XKR6: variants seen among roughly 807,000 people sequenced by gnomAD.
XKR6 encodes XK related 6, also known as XK-related protein 6.
XKR6 carries 22 observed loss-of-function variants against 56.7 expected under a neutral mutation model. The ratio of observed to expected loss-of-function variants is 0.39; its 90% CI spans 0.28 to 0.55. The LOEUF (loss-of-function observed/expected upper bound fraction) is 0.55, where lower values mean the gene tolerates loss of function less well. Among genes scored for constraint, XKR6 ranks in the 20% least tolerant of loss-of-function variants. The pLI is 0.66. For missense variants in XKR6, 852 were observed against 889.0 expected (o/e 0.96, Z 0.53); for synonymous variants, 524 against 387.8 (o/e 1.35, Z -4.13).
intron 1 of XKR6, among the ~76,000 whole-genome samples, chr8:11,153,417 C>T (rs1801356416): frequency 6.6e-6 from 1 of 152,240 alleles, no homozygotes; most frequent in African/African-American, 2.4e-5. Context: ...AAAAACTCTA[C>T]TACTACTGCT....
At chr8:11,193,764 A>C (rs1232847632) in intron 1 of XKR6, among the ~76,000 whole-genome samples, 1 of 140,216 alleles carries the variant, frequency 7.1e-6, no homozygotes, top group African/African-American at 2.6e-5. Flanking sequence ...AAAAGAAATT[A>C]ACCTTGGTAA....
At chr8:10,956,656 G>C (rs1324731469) in intron 1 of XKR6, among the ~76,000 whole-genome samples, 1 of 149,514 alleles carries the variant, frequency 6.7e-6, no homozygotes, top group Non-Finnish European at 1.5e-5. Flanking sequence ...CATCATCATT[G>C]CCTTTAGGAG....
At chr8:10,973,737 G>T (rs1802472773) in intron 1 of XKR6, among the ~76,000 whole-genome samples, 1 of 152,030 alleles carries the variant, frequency 6.6e-6, no homozygotes, top group African/African-American at 2.4e-5. Flanking sequence ...CATGCCACCA[G>T]GCCCAGCTAA....
Position 10,961,765 on chromosome 8 carries a change from C to T in XKR6, c.765-36935G>A, listed in dbSNP as rs560660609. On this transcript the variant is annotated intron_variant, in intron 1 of 2. Transcript: ENST00000416569. ...TAGCTTTTTAACATGCAGCCTCCATCGCTTCATTTGCCCACAGTTGTCCAG... is the reference window on the plus strand; with the variant it reads ...TAGCTTTTTAACATGCAGCCTCCATTGCTTCATTTGCCCACAGTTGTCCAG... 8.9e-4 allele frequency among the ~76,000 whole-genome samples: 136 copies of T among 152,318 alleles called. 1 individual carries two copies. The highest frequency in any genetic ancestry group is 3.1e-3 in the African/African-American group (129 of 41,562).
chr8:10,977,628 G>T (rs1436116216), intron 1 of XKR6, among the ~76,000 whole-genome samples: 2 of 148,584 alleles, frequency 1.3e-5, no homozygotes, highest in Non-Finnish European at 3.0e-5. Context: ...TGCTGTGACC[G>T]CTCTCAGAGA....
rs541775411 is a variant in XKR6, at chr8:10,896,290, T to C, written c.*1662A>G. ...CAACACCTGCAGAAATTCAACTTGA[T>C]ACAATGAGAAAATAAACAGTGGAAT... On this transcript the variant is annotated 3_prime_UTR_variant, in exon 3 of 3. Transcript: ENST00000416569. The C allele has an allele frequency of 1.8e-4, 28 of 152,636 alleles. No homozygotes were observed. The highest frequency in any genetic ancestry group is 6.7e-4 in the African/African-American group (28 of 41,536). The allele number at this position is 152,636 out of a possible 1,614,324, so 9.5% of individuals were successfully genotyped here.
chr8:10,909,927 C>T (rs1165687139), intron 2 of XKR6, among the ~76,000 whole-genome samples: 2 of 151,812 alleles, frequency 1.3e-5, no homozygotes, highest in Non-Finnish European at 2.9e-5. Flanking sequence ...AAAGAATTTG[C>T]CTAAGCTTAC....
At chr8:11,057,708 T>C (rs11994349) in intron 1 of XKR6, among the ~76,000 whole-genome samples, 18,039 of 152,240 alleles carry the variant, frequency 0.12, 3,464 homozygotes, top group African/African-American at 0.4. Flanking sequence ...CATCTGTTCC[T>C]GTCCTCACCT....
intron 1 of XKR6, among the ~76,000 whole-genome samples, chr8:11,145,350 A>C (rs1458059025): frequency 6.6e-6 from 1 of 152,172 alleles, no homozygotes; most frequent in Admixed American, 6.5e-5. Flanking sequence ...AGTCTCCCAC[A>C]ACTAAAGATA....
At chr8:10,985,405 A>G (rs888453759) in intron 1 of XKR6, among the ~76,000 whole-genome samples, 1 of 152,156 alleles carries the variant, frequency 6.6e-6, no homozygotes, top group Non-Finnish European at 1.5e-5. Context: ...CATGATTGTA[A>G]GATTAAAAGG....
chr8:11,015,806 G>A (rs1477588988), intron 1 of XKR6, among the ~76,000 whole-genome samples: 1 of 152,218 alleles, frequency 6.6e-6, no homozygotes, highest in Non-Finnish European at 1.5e-5. Flanking sequence ...GAGGAATTGA[G>A]GGTGGGCTCG....
rs1308302694 is a variant in XKR6, at chr8:11,201,120, G to C, written c.220C>G (p.Leu74Val). The stretch of plus-strand genomic sequence containing the variant: ...GGCTTCCTGCCCAGGAGGGAGCGCA[G>C]GCAGGCGGAGCGGCAGCCCCAGTAG... ...SCYWGCRSAC[L>V]RSLLGRKPRR... is the part of the protein sequence containing the mutation. Residue 74 changes from leucine to valine, a missense_variant, in exon 1 of 3, where the codon CTG becomes GTG. By Grantham distance (32) the Leu-to-Val change is conservative. Transcript: ENST00000416569. 2.7e-6 allele frequency: 4 copies of C among 1,506,924 alleles called. No homozygotes were observed. Among genetic ancestry groups the C allele is most frequent in the East Asian group, 5.3e-5 (2 of 37,574 alleles). 93.3% of individuals were successfully genotyped at this position (1,506,924 alleles called of 1,614,324 possible).
chr8:10,982,845 G>A (rs7832837), intron 1 of XKR6, among the ~76,000 whole-genome samples: 11,441 of 152,210 alleles, frequency 0.075, 1,467 homozygotes, highest in African/African-American at 0.26. Flanking sequence ...GCAGCCCCAG[G>A]GAGGCATGGC....
intron 1 of XKR6, among the ~76,000 whole-genome samples, chr8:11,101,022 G>A (rs986052778): frequency 6.6e-6 from 1 of 152,152 alleles, no homozygotes; most frequent in South Asian, 2.1e-4. Flanking sequence ...GTGGTACCAC[G>A]CACATCGGAC....
chr8:11,020,414 T>C (rs1055208283), intron 1 of XKR6, among the ~76,000 whole-genome samples: 1 of 152,186 alleles, frequency 6.6e-6, no homozygotes, highest in Non-Finnish European at 1.5e-5. Context: ...TGAGTCCCAA[T>C]GATGTGGCAA....
chr8:10,940,451 G>C (rs1181158955), intron 1 of XKR6, among the ~76,000 whole-genome samples: 1 of 152,196 alleles, frequency 6.6e-6, no homozygotes, highest in Non-Finnish European at 1.5e-5. Context: ...AGGAAGCCAT[G>C]GGAAACTGGC....
rs145026689 is a variant in XKR6 at position 10,998,284 on chromosome 8, T to TAC, written c.765-73456_765-73455dup. Among the ~76,000 whole-genome samples the TAC allele has an allele frequency of 5.3e-3, 777 of 147,710 alleles. 3 individuals are homozygous for TAC. The highest frequency in any genetic ancestry group is 0.018 in the African/African-American group (727 of 40,818). ...GAGTGGCTACACACACACACACACA[T>TAC]ACACACACACACACACCTCTTAGTT... On this transcript the variant is annotated intron_variant, in intron 1 of 2. Coordinates refer to ENST00000416569, the MANE Select transcript of XKR6 (RefSeq NM_173683.4).
intron 1 of XKR6, among the ~76,000 whole-genome samples, chr8:10,979,542 A>G (rs1195379229): frequency 6.6e-6 from 1 of 152,150 alleles, no homozygotes; most frequent in Non-Finnish European, 1.5e-5. Flanking sequence ...CCGACCCTCT[A>G]GCCCCTGAAG....
intron 1 of XKR6, among the ~76,000 whole-genome samples, chr8:10,993,226 G>A (rs1467812545): frequency 6.6e-6 from 1 of 152,218 alleles, no homozygotes; most frequent in African/African-American, 2.4e-5. Context: ...AGGCTGGGAT[G>A]CTTTTTATTC....
Sources: allele counts gnomAD v4.1 joint callset (sites outside exome capture counted in the v4.1 genomes callset), GRCh38; gene constraint gnomAD v4.1.1; transcripts MANE v1.5; gene names NCBI Gene and HGNC (gene_info 2026-07-23, HGNC 2026-07-21).